The following JAM3 variants were observed in gnomAD, a reference collection of about 807,000 sequenced individuals.
The protein encoded by JAM3 is junctional adhesion molecule C.
A neutral mutation model predicts 39.4 loss-of-function variants in JAM3; 31 were observed. The ratio of observed to expected loss-of-function variants is 0.79; its 90% CI spans 0.59 to 1.06. JAM3 has a LOEUF of 1.06. JAM3 is among the 50% of genes least tolerant of loss of function. The pLI, the probability that JAM3 is intolerant of heterozygous loss-of-function variation, is 0.00. For missense variants in JAM3, 455 were observed against 391.4 expected, an observed-to-expected ratio of 1.16 and a Z score of -1.37; for synonymous variants, 182 against 148.7, an observed-to-expected ratio of 1.22 and a Z score of -1.63.
intron 1 of JAM3, among the ~76,000 whole-genome samples, chr11:134,100,526 G>A (rs1368312838): frequency 6.6e-6 from 1 of 152,180 alleles, no homozygotes; most frequent in East Asian, 1.9e-4. Context: ...AGTTACCACT[G>A]TATTTATATA....
At chr11:134,087,219 G>GCA (rs145952752) in intron 1 of JAM3, among the ~76,000 whole-genome samples, 7,191 of 151,718 alleles carry the variant, frequency 0.047, 213 homozygotes, top group Non-Finnish European at 0.058. Context: ...ACACACACAC[G>GCA]CACACACACA....
intron 1 of JAM3, chr11:134,126,376 C>G (rs965940310): frequency 3.3e-5 from 5 of 152,166 alleles, no homozygotes; most frequent in Admixed American, 3.3e-4. Flanking sequence ...TGCCATCTCT[C>G]TTTGTCATCC....
At chr11:134,123,937 T>C in intron 1 of JAM3, 1 of 1,419,868 alleles carries the variant, frequency 7.0e-7, no homozygotes, top group South Asian at 1.1e-5. Flanking sequence ...CTTTTTTGTG[T>C]TATAAACTGA....
At chr11:134,113,127 C>T (rs1466886213) in intron 1 of JAM3, among the ~76,000 whole-genome samples, 1 of 151,640 alleles carries the variant, frequency 6.6e-6, no homozygotes, top group Non-Finnish European at 1.5e-5. Context: ...ATGTTTTACT[C>T]AATGAATTTC....
Position 134,144,827 on chromosome 11 carries a change from G to T in JAM3, c.445G>T (p.Ala149Ser), listed in dbSNP as rs1304642885. Residue 149 changes from alanine to serine, a missense_variant, in exon 5 of 9, where the codon GCT becomes TCT. By Grantham distance (99) the Ala-to-Ser change is moderately conservative (BLOSUM62 1). Transcript: ENST00000299106. The part of the protein sequence containing the change: ...PVTPVCRVPK[A>S]VPVGKMATLH... ...GACCCCTGTCTGTAGAGTGCCGAAG[G>T]CTGTACCAGTAGGCAAGATGGCAAC... 6.2e-7 allele frequency: 1 copy of T among 1,614,154 alleles called. No individual in the cohort carries two copies.
At chr11:134,148,953 GT>G (rs1457181208) in intron 8 of JAM3, 135 bp downstream of exon 8, 2 of 686,048 alleles carry the variant, frequency 2.9e-6, no homozygotes, top group Non-Finnish European at 4.8e-6. Context: ...CCCCTTCACA[GT>G]AACACACACA....
chr11:134,117,877 C>T (rs76655391), intron 1 of JAM3, among the ~76,000 whole-genome samples: 3,844 of 152,232 alleles, frequency 0.025, 169 homozygotes, highest in African/African-American at 0.088. Flanking sequence ...CATGTACCTC[C>T]GAAGGGTACT....
intron 1 of JAM3, among the ~76,000 whole-genome samples, chr11:134,096,269 G>A (rs923765967): frequency 6.6e-6 from 1 of 152,180 alleles, no homozygotes; most frequent in Non-Finnish European, 1.5e-5. Flanking sequence ...CACCCAGCCC[G>A]TGTAGAAGGC....
chr11:134,094,938 A>G (rs1941951021), intron 1 of JAM3, among the ~76,000 whole-genome samples: 3 of 152,244 alleles, frequency 2.0e-5, no homozygotes, highest in Non-Finnish European at 4.4e-5. Context: ...TTAATAAATG[A>G]GGAAATAGGC....
chr11:134,074,266 TCTTGTATTC>T (rs1251883983), intron 1 of JAM3, among the ~76,000 whole-genome samples: 5 of 152,364 alleles, frequency 3.3e-5, no homozygotes, highest in African/African-American at 1.2e-4. Flanking sequence ...CCTGGTTGAT[TCTTGTATTC>T]CTTTGTCTGT....
intron 1 of JAM3, among the ~76,000 whole-genome samples, chr11:134,098,432 G>C (rs1035001171): frequency 6.6e-6 from 1 of 152,062 alleles, no homozygotes; most frequent in African/African-American, 2.4e-5. Flanking sequence ...AGATAATTTG[G>C]GATTTGCAAA....
At chr11:134,138,276 A>G (rs78546714) in intron 1 of JAM3, among the ~76,000 whole-genome samples, 2,858 of 33,900 alleles carry the variant, frequency 0.084, 429 homozygotes, top group East Asian at 0.34. Context: ...CTCATACTGG[A>G]AGAAATGTTT....
At chr11:134,129,598 CT>C (rs369295092) in intron 1 of JAM3, among the ~76,000 whole-genome samples, 7 of 152,282 alleles carry the variant, frequency 4.6e-5, no homozygotes, top group African/African-American at 1.4e-4. Flanking sequence ...TAAATGGTCC[CT>C]CTTCTAAAAT....
chr11:134,146,917 A>T (rs1943083496), intron 6 of JAM3, among the ~76,000 whole-genome samples: 1 of 152,122 alleles, frequency 6.6e-6, no homozygotes, highest in Non-Finnish European at 1.5e-5. Flanking sequence ...CTCTCCTCAG[A>T]GCAGCATTTT....
At chr11:134,071,493 A>G (rs1340506223) in intron 1 of JAM3, among the ~76,000 whole-genome samples, 1 of 152,222 alleles carries the variant, frequency 6.6e-6, no homozygotes, top group Non-Finnish European at 1.5e-5. Context: ...GACTCATGAC[A>G]GGTGCAGTTC....
rs532864809 is a variant in JAM3, at chr11:134,119,966, G to A, written c.77-19885G>A. 4.7e-4 allele frequency among the ~76,000 whole-genome samples: 72 copies of A among 152,252 alleles called. 1 individual carries two copies. Among genetic ancestry groups the A allele is most frequent in the African/African-American group, 1.6e-3 (65 of 41,538 alleles). Reference sequence around the variant, plus strand: ...CTCTTGTCAGAACCCATATTTGATCGATTTACTATATACTTTGCTGTGTGT... The same window carrying A: ...CTCTTGTCAGAACCCATATTTGATCAATTTACTATATACTTTGCTGTGTGT... On this transcript the variant is annotated intron_variant, in intron 1 of 8. Transcript: ENST00000299106.
chr11:134,145,864 T>C, intron 5 of JAM3, 82 bp from the exon 6 acceptor site: 1 of 900,848 alleles, frequency 1.1e-6, no homozygotes, highest in Non-Finnish European at 1.9e-6. Flanking sequence ...GGTGTCGACC[T>C]AGTTCTGGAC....
At chr11:134,077,959 CT>C (rs1941601547) in intron 1 of JAM3, among the ~76,000 whole-genome samples, 1 of 151,734 alleles carries the variant, frequency 6.6e-6, no homozygotes, top group African/African-American at 2.4e-5. Flanking sequence ...GCCAAGGATG[CT>C]TTTTCTTGAG....
In JAM3 at chr11:134,148,666, G is replaced by C; in HGVS notation, c.832G>C (p.Asp278His). The change falls in exon 7 of 9, where the codon GAT becomes CAT. Residue 278 changes from aspartate to histidine, a missense_variant. Asp to His is a moderately conservative substitution (Grantham distance 81, BLOSUM62 -1). Coordinates refer to ENST00000299106, the MANE Select transcript of JAM3 (RefSeq NM_032801.5). ...TGGCTACTTCATCAACAATAAACAG[G>C]ATGGAGAAAGGTGAGCCTGCCTTAT... ...RRGYFINNKQ[D>H]GESYKNPGKP... 1 of 1,614,148 alleles carries C rather than the reference G, an allele frequency of 6.2e-7. No homozygotes were observed. The highest frequency in any genetic ancestry group is 8.5e-7 in the Non-Finnish European group (1 of 1,180,042).
Sources: allele counts gnomAD v4.1 joint callset (sites outside exome capture counted in the v4.1 genomes callset), GRCh38; gene constraint gnomAD v4.1.1; transcripts MANE v1.5; gene names NCBI Gene and HGNC (gene_info 2026-07-23, HGNC 2026-07-21).